The following SYNPR variants were observed in gnomAD, a reference collection of about 807,000 sequenced individuals.
The protein encoded by SYNPR is synaptoporin.
In SYNPR, 23 loss-of-function variants were observed where a neutral mutation model predicts 32.9. The observed-to-expected ratio is 0.70, with a 90% CI of 0.50 to 0.99. The LOEUF is 0.99. SYNPR is among the 50% of genes least tolerant of loss of function. The pLI is 0.00. For missense variants in SYNPR, 318 were observed against 349.3 expected, an observed-to-expected ratio of 0.91 and a Z score of 0.71; for synonymous variants, 146 against 135.9, an observed-to-expected ratio of 1.07 and a Z score of -0.52.
intron 2 of SYNPR, among the ~76,000 whole-genome samples, chr3:63,311,103 T>G (rs181088117): frequency 3.8e-3 from 572 of 152,142 alleles, no homozygotes; most frequent in Middle Eastern, 0.014. Context: ...GTGGCTTTTT[T>G]TTGTTGTTGT....
At chr3:63,540,891 TACAC>T (rs34925541) in intron 3 of SYNPR, among the ~76,000 whole-genome samples, 1,479 of 122,906 alleles carry the variant, frequency 0.012, 21 homozygotes, top group African/African-American at 0.037. Context: ...CTATCACTCC[TACAC>T]ACACACACAC....
intron 2 of SYNPR, among the ~76,000 whole-genome samples, chr3:63,255,923 T>C (rs1030908559): frequency 2.0e-5 from 3 of 152,218 alleles, no homozygotes; most frequent in Non-Finnish European, 4.4e-5. Context: ...GGAGACTATA[T>C]GCCGCGCCTA....
intron 4 of SYNPR, among the ~76,000 whole-genome samples, chr3:63,572,290 C>T (rs1702900454): frequency 6.6e-6 from 1 of 152,082 alleles, no homozygotes; most frequent in African/African-American, 2.4e-5. Context: ...TCCTCCTCCT[C>T]CTCCTCCTTC....
chr3:63,208,098 C>CTGAAAGT, the SYNPR span, among the ~76,000 whole-genome samples: 14 of 151,912 alleles, frequency 9.2e-5, no homozygotes, highest in Non-Finnish European at 1.5e-4. Context: ...GAATATACTT[C>CTGAAAGT]CGAAAGTCAG....
upstream of SYNPR, among the ~76,000 whole-genome samples, chr3:63,223,562 C>G (rs1027972485): frequency 6.6e-6 from 1 of 151,950 alleles, no homozygotes; most frequent in African/African-American, 2.4e-5. Context: ...AGGTTCTGCC[C>G]CCCATTTTTT....
intron 3 of SYNPR, among the ~76,000 whole-genome samples, chr3:63,544,623 A>G (rs933159813): frequency 1.2e-4 from 19 of 152,118 alleles, no homozygotes; most frequent in African/African-American, 4.6e-4. Flanking sequence ...ACAGAAAATG[A>G]CCAAATAACT....
chr3:63,461,456 C>T (rs757449545), intron 2 of SYNPR, among the ~76,000 whole-genome samples: 2 of 152,098 alleles, frequency 1.3e-5, no homozygotes, highest in Non-Finnish European at 2.9e-5. Context: ...CATCTTCTTA[C>T]ATCTTTGTCC....
At chr3:63,322,148 A>C (rs768011224) in intron 2 of SYNPR, among the ~76,000 whole-genome samples, 8 of 152,036 alleles carry the variant, frequency 5.3e-5, no homozygotes, top group Non-Finnish European at 8.8e-5. Context: ...CCCAACACTG[A>C]TGGAGGGTGT....
At chr3:63,387,435 T>C (rs1261282846) in intron 2 of SYNPR, among the ~76,000 whole-genome samples, 1 of 152,198 alleles carries the variant, frequency 6.6e-6, no homozygotes, top group African/African-American at 2.4e-5. Context: ...ATGCCACTAG[T>C]TTCTGTAGCC....
intron 1 of SYNPR, chr3:63,252,381 T>C (rs1361728002): frequency 1.3e-5 from 2 of 152,224 alleles, no homozygotes; most frequent in African/African-American, 2.4e-5. Context: ...TTGAATTCCA[T>C]TTATGAAGCA....
intron 4 of SYNPR, among the ~76,000 whole-genome samples, chr3:63,575,635 A>G (rs1439635566): frequency 6.6e-6 from 1 of 152,214 alleles, no homozygotes; most frequent in Non-Finnish European, 1.5e-5. Context: ...AGAAAATGTC[A>G]GTTTACTCAA....
intron 3 of SYNPR, among the ~76,000 whole-genome samples, chr3:63,535,342 G>C (rs1419563606): frequency 6.6e-6 from 1 of 152,044 alleles, no homozygotes; most frequent in Non-Finnish European, 1.5e-5. Flanking sequence ...AAGATCATCA[G>C]CATAAAAGGC....
the SYNPR span, among the ~76,000 whole-genome samples, chr3:63,203,064 A>ATGTGTGTGTG: frequency 0.02 from 852 of 41,964 alleles, 15 homozygotes; most frequent in Middle Eastern, 0.044. Flanking sequence ...ATATATATGT[A>ATGTGTGTGTG]TGTGTATATA....
intron 2 of SYNPR, among the ~76,000 whole-genome samples, chr3:63,398,853 G>A (rs1002370597): frequency 6.6e-6 from 1 of 152,212 alleles, no homozygotes; most frequent in Non-Finnish European, 1.5e-5. Context: ...GGTGAACTGG[G>A]AAGAAGGTAA....
At chr3:63,287,765 A>T (rs1029264439) in intron 2 of SYNPR, among the ~76,000 whole-genome samples, 3 of 152,200 alleles carry the variant, frequency 2.0e-5, no homozygotes, top group Non-Finnish European at 4.4e-5. Flanking sequence ...TGGAATTGTG[A>T]AGCTTTCCCT....
chr3:63,498,769 G>A (rs1174223377), intron 3 of SYNPR, among the ~76,000 whole-genome samples: 3 of 151,868 alleles, frequency 2.0e-5, no homozygotes, highest in Admixed American at 6.6e-5. Context: ...TCGTGGGCCC[G>A]ATAAGGCGTG....
chr3:63,351,843 G>A (rs970637989), intron 2 of SYNPR, among the ~76,000 whole-genome samples: 5 of 152,116 alleles, frequency 3.3e-5, no homozygotes, highest in South Asian at 2.1e-4. Context: ...CTAAGTGGGG[G>A]AGAGATAAAA....
intron 2 of SYNPR, among the ~76,000 whole-genome samples, chr3:63,458,049 G>A (rs75569400): frequency 6.6e-6 from 1 of 151,942 alleles, no homozygotes; most frequent in African/African-American, 2.4e-5. Context: ...TATTCATTCA[G>A]CTATTATTAA....
chr3:63,411,061 G>A (rs2088457964), intron 2 of SYNPR, among the ~76,000 whole-genome samples: 1 of 152,170 alleles, frequency 6.6e-6, no homozygotes, highest in African/African-American at 2.4e-5. Context: ...CTTGTTTTCT[G>A]CTTAATGAGC....
Sources: gnomAD v4.1 joint callset for allele counts (sites outside exome capture counted in the v4.1 genomes callset) on GRCh38, gnomAD v4.1.1 for gene constraint, MANE v1.5 for transcripts, NCBI Gene and HGNC (gene_info 2026-07-23, HGNC 2026-07-21) for gene names.